Variants in ABCD3 observed in about 807,000 individuals in gnomAD.
ABCD3 encodes ATP-binding cassette sub-family D member 3.
Under a neutral mutation model 105.5 loss-of-function variants are expected in ABCD3, and 41 were observed. The observed-to-expected ratio is 0.39, with a 90% CI of 0.30 to 0.50. ABCD3 has a LOEUF of 0.50. ABCD3 is among the 20% of genes least tolerant of loss of function. The pLI, the probability that ABCD3 is intolerant of heterozygous loss-of-function variation, is 0.84. For synonymous variants in ABCD3, 258 were observed against 269.0 expected (o/e 0.96, Z 0.40); for missense variants, 622 against 806.3 (o/e 0.77, Z 2.77).
chr1:94,461,354 A>T (rs2100967546), intron 2 of ABCD3, among the ~76,000 whole-genome samples: 1 of 152,186 alleles, frequency 6.6e-6, no homozygotes, highest in South Asian at 2.1e-4. Context: ...AAAAGAATTT[A>T]ATTAGAAAGT....
chr1:94,441,953 G>A (rs1660148067), intron 1 of ABCD3, among the ~76,000 whole-genome samples: 1 of 152,062 alleles, frequency 6.6e-6, no homozygotes, highest in Non-Finnish European at 1.5e-5. Flanking sequence ...ATTAGTTTTA[G>A]TATTCTATCC....
chr1:94,458,763 C>T (rs1202075252), intron 2 of ABCD3, 120 bp downstream of exon 2: 1 of 938,746 alleles, frequency 1.1e-6, no homozygotes, highest in South Asian at 1.5e-5. Context: ...ATACTCCAGT[C>T]TTCTACACAT....
chr1:94,424,235 A>G (rs1056742387), intron 1 of ABCD3, among the ~76,000 whole-genome samples: 12 of 152,036 alleles, frequency 7.9e-5, no homozygotes, highest in Admixed American at 6.5e-5. Context: ...TTAATTAATT[A>G]TATGTCCCAG....
upstream of ABCD3, among the ~76,000 whole-genome samples, chr1:94,417,914 G>C (rs1457784415): frequency 2.0e-5 from 3 of 152,044 alleles, no homozygotes; most frequent in Admixed American, 6.6e-5. Context: ...ACACCTCTGC[G>C]GAGTTCCGAT....
chr1:94,472,209 A>G (rs1648489373), intron 4 of ABCD3: 4 of 981,640 alleles, frequency 4.1e-6, no homozygotes, highest in Non-Finnish European at 4.8e-6. Context: ...TATTCAAGAA[A>G]CCATTTTTTA....
At chr1:94,456,692 T>C (rs527350764) in intron 1 of ABCD3, among the ~76,000 whole-genome samples, 1 of 152,246 alleles carries the variant, frequency 6.6e-6, no homozygotes, top group East Asian at 1.9e-4. Context: ...CTGTTATGAA[T>C]AATGCTGCAG....
chr1:94,454,187 T>C (rs1361180967), intron 1 of ABCD3, among the ~76,000 whole-genome samples: 1 of 152,158 alleles, frequency 6.6e-6, no homozygotes, highest in Non-Finnish European at 1.5e-5. Context: ...AATATTATAA[T>C]AGTTCACATG....
the ABCD3 span, among the ~76,000 whole-genome samples, chr1:94,405,333 G>A: frequency 1.3e-4 from 19 of 145,688 alleles, no homozygotes; most frequent in African/African-American, 2.5e-5. Context: ...TTTTTGAGAC[G>A]GAGTTTCACT....
chr1:94,451,699 A>C (rs1432785965), intron 1 of ABCD3, among the ~76,000 whole-genome samples: 1 of 152,176 alleles, frequency 6.6e-6, no homozygotes, highest in Non-Finnish European at 1.5e-5. Flanking sequence ...TGAAATCAAC[A>C]TGTTTATAGT....
chr1:94,385,535 C>T, the ABCD3 span, among the ~76,000 whole-genome samples: 1 of 152,206 alleles, frequency 6.6e-6, no homozygotes, highest in African/African-American at 2.4e-5. Context: ...CCACTGACAC[C>T]AACCCCTGCC....
At chr1:94,394,899 G>A in the ABCD3 span, among the ~76,000 whole-genome samples, 10 of 152,112 alleles carry the variant, frequency 6.6e-5, no homozygotes, top group Non-Finnish European at 1.2e-4. Flanking sequence ...ATTTTCAATC[G>A]TGTCTATCTT....
intron 1 of ABCD3, among the ~76,000 whole-genome samples, chr1:94,447,820 C>A (rs568516725): frequency 1.3e-5 from 2 of 152,296 alleles, no homozygotes; most frequent in South Asian, 4.1e-4. Context: ...CAGAAAGTAG[C>A]CATACGTAGG....
rs181085963 is a variant in ABCD3 at position 94,509,910 on chromosome 1, A to G, written c.1845+3268A>G. Among the ~76,000 whole-genome samples, 13 of 152,120 alleles carry G rather than the reference A, an allele frequency of 8.5e-5. No homozygotes were observed. The East Asian group carries it at 1.4e-3, about 16-fold the overall frequency. Reference sequence around the variant, plus strand: ...TCTTTATTAGTCTTGCTAGCAGTCTATCAATTTTGTTGATCCTTTCAAAAA... The same window carrying G: ...TCTTTATTAGTCTTGCTAGCAGTCTGTCAATTTTGTTGATCCTTTCAAAAA... On this transcript the variant is annotated intron_variant, in intron 21 of 22. Transcript: ENST00000370214.
chr1:94,421,830 C>G (rs1005220610), intron 1 of ABCD3, among the ~76,000 whole-genome samples: 1 of 152,140 alleles, frequency 6.6e-6, no homozygotes, highest in Non-Finnish European at 1.5e-5. Flanking sequence ...CATCCTTTAT[C>G]AGATTTTTGT....
In ABCD3 at chr1:94,483,288, T is replaced by G. The variant is rs765471064; in HGVS notation, c.897+49T>G. ...ATGTGTTTATGGAAAGGGTTTTTTT[T>G]GTTTGTTTGTTTTGCCTATGGCCGA... On this transcript the variant is annotated intron_variant, in intron 10 of 22. Transcript: ENST00000370214. 7 of 1,434,040 alleles carry G rather than the reference T, an allele frequency of 4.9e-6. No homozygotes were observed. In the South Asian group the frequency reaches 5.8e-5, roughly 12 times the overall value. The allele number at this position is 1,434,040 out of a possible 1,614,324, so 88.8% of individuals were successfully genotyped here. A position where few individuals can be genotyped will look rare whatever the true frequency, so the allele number is the denominator to read the frequency against.
At chr1:94,483,347 GTATACA>G in intron 10 of ABCD3, 108 bp downstream of exon 10, 1 of 790,110 alleles carries the variant, frequency 1.3e-6, no homozygotes, top group Non-Finnish European at 2.2e-6. Flanking sequence ...ACACACGTAT[GTATACA>G]TATCTTAAAG....
chr1:94,480,378 T>C (rs1339390946), intron 8 of ABCD3, 86 bp from the exon 9 acceptor site: 5 of 1,531,534 alleles, frequency 3.3e-6, no homozygotes, highest in Non-Finnish European at 3.6e-6. Flanking sequence ...TTGAGGTTAA[T>C]TATAAAAATT....
rs530856813 is a variant in ABCD3, at chr1:94,498,688, A to G, written c.1464+9A>G. The G allele has an allele frequency of 6.2e-7, 1 of 1,613,734 alleles. No individual in the cohort carries two copies. The highest frequency in any genetic ancestry group is 1.7e-5 in the Admixed American group (1 of 59,950). ...TCCGTGTTCTTGGTGAAGTAAGTAC[A>G]AGTTGGCCTCAAAATTTTGCAGTCT... On this transcript the variant is annotated intron_variant, in intron 17 of 22. Transcript: ENST00000370214.
intron 3 of ABCD3, among the ~76,000 whole-genome samples, chr1:94,466,753 G>A (rs1327819536): frequency 6.6e-6 from 1 of 152,070 alleles, no homozygotes; most frequent in South Asian, 2.1e-4. Flanking sequence ...CTTCCAATCA[G>A]TTAACAGCTT....
Sources: allele counts gnomAD v4.1 joint callset (sites outside exome capture counted in the v4.1 genomes callset), GRCh38; gene constraint gnomAD v4.1.1; transcripts MANE v1.5; gene names NCBI Gene and HGNC (gene_info 2026-07-23, HGNC 2026-07-21).